The following CTNNA1 variants were observed in gnomAD, a reference collection of about 807,000 sequenced individuals.
CTNNA1 encodes catenin alpha 1, also known as catenin alpha-1.
A neutral mutation model predicts 98.4 loss-of-function variants in CTNNA1; 37 were observed. That is an observed-to-expected ratio of 0.38 (90% CI 0.29 to 0.49). The LOEUF (loss-of-function observed/expected upper bound fraction) is 0.49. CTNNA1 is among the 20% of genes least tolerant of loss of function. The pLI is 0.95. For synonymous variants in CTNNA1, 404 were observed against 413.2 expected, an observed-to-expected ratio of 0.98 and a Z score of 0.27; for missense variants, 761 against 1,147.2, an observed-to-expected ratio of 0.66 and a Z score of 4.86.
In CTNNA1 at chr5:138,847,384, C is replaced by T. The variant is rs558966164; in HGVS notation, c.1062+19666C>T. Among the ~76,000 whole-genome samples, 7 of 152,176 alleles carry T rather than the reference C, an allele frequency of 4.6e-5. No individual in the cohort carries two copies. In the East Asian group the frequency reaches 9.6e-4, roughly 21 times the overall value. ...CTGGTTACATTGTCCAAGCTGGTCT[C>T]GAACTACTGGGCTCAAGTGATCCTC... On this transcript the variant is annotated intron_variant, in intron 7 of 17. Transcript: ENST00000302763.
Position 138,758,814 on chromosome 5 carries a change from G to GT in CTNNA1, c.-3+5314dup, listed in dbSNP as rs1168348314. The stretch of plus-strand genomic sequence containing the variant: ...CTGGTCTTTCTCTGGGACAGTTTTT[G>GT]TTTTTTTTTTGAGATGGAGTTTTGC... On this transcript the variant is annotated intron_variant, in intron 1 of 17. Transcript: ENST00000302763. Among the ~76,000 whole-genome samples, 823 of 146,370 alleles carry GT rather than the reference G, an allele frequency of 5.6e-3. 8 individuals are homozygous for GT. The highest frequency in any genetic ancestry group is 0.017 in the African/African-American group (673 of 39,992).
intron 10 of CTNNA1, 114 bp downstream of exon 10, chr5:138,904,555 T>C: frequency 7.4e-7 from 1 of 1,346,812 alleles, no homozygotes; most frequent in Non-Finnish European, 1.0e-6. Context: ...GATGGAAGTC[T>C]TGGGGACAGA....
chr5:138,931,695 C>CCT, intron 16 of CTNNA1: 1 of 985,476 alleles, frequency 1.0e-6, no homozygotes, highest in Non-Finnish European at 1.2e-6. Flanking sequence ...CCTGTTCTTT[C>CCT]CTCTCTCCAC....
At chr5:138,924,966 C>T (rs1187758042) in intron 12 of CTNNA1, among the ~76,000 whole-genome samples, 1 of 152,176 alleles carries the variant, frequency 6.6e-6, no homozygotes, top group African/African-American at 2.4e-5. Context: ...AGTTAAATCT[C>T]CTATTAGTGA....
chr5:138,823,794 A>G (rs921776594), intron 5 of CTNNA1, among the ~76,000 whole-genome samples: 1 of 151,126 alleles, frequency 6.6e-6, no homozygotes, highest in African/African-American at 2.4e-5. Context: ...CGTCTCTACT[A>G]AAAATACAAA....
At chr5:138,905,111 A>ATACATACATACATAC (rs534764046) in intron 10 of CTNNA1, among the ~76,000 whole-genome samples, 5 of 139,326 alleles carry the variant, frequency 3.6e-5, no homozygotes, top group Admixed American at 7.1e-5. Context: ...AAAAAAAAAA[A>ATACATACATACATAC]ATACATACAT....
chr5:138,797,002 A>G (rs1017172271), intron 3 of CTNNA1, among the ~76,000 whole-genome samples: 1 of 152,166 alleles, frequency 6.6e-6, no homozygotes, highest in Non-Finnish European at 1.5e-5. Flanking sequence ...ACAGATACCC[A>G]TTTATTTTAC....
intron 7 of CTNNA1, among the ~76,000 whole-genome samples, chr5:138,866,719 T>G (rs538558851): frequency 2.0e-5 from 3 of 152,340 alleles, no homozygotes; most frequent in South Asian, 2.1e-4. Flanking sequence ...CTTTGGAGAT[T>G]TCTTGCTCTT....
At chr5:138,814,752 G>T (rs1376324702) in intron 5 of CTNNA1, among the ~76,000 whole-genome samples, 1 of 149,918 alleles carries the variant, frequency 6.7e-6, no homozygotes, top group African/African-American at 2.5e-5. Context: ...AAATAGATGG[G>T]TTTTTTTTTG....
chr5:138,907,855 T>C (rs1347863956), intron 10 of CTNNA1, among the ~76,000 whole-genome samples: 1 of 152,212 alleles, frequency 6.6e-6, no homozygotes, highest in East Asian at 1.9e-4. Context: ...CTGCTGTACA[T>C]AGGCAGCACT....
intron 3 of CTNNA1, among the ~76,000 whole-genome samples, chr5:138,789,183 GT>G (rs200967324): frequency 0.14 from 9,756 of 67,786 alleles, 410 homozygotes; most frequent in East Asian, 0.5. Context: ...TGTTTTTCCT[GT>G]TTTTCCCCCC....
rs149435568 is a variant in CTNNA1 at position 138,845,817 on chromosome 5, G to A, written c.1062+18099G>A. ...TAACCGAGTATGATTGCCATGTCCT[G>A]GGTACTTGATTGCCATGTCCTGGGT... On this transcript the variant is annotated intron_variant, in intron 7 of 17. Transcript: ENST00000302763. Among the ~76,000 whole-genome samples the A allele has an allele frequency of 2.0e-5, 3 of 152,036 alleles. No individual in the cohort carries two copies. In the East Asian group the frequency reaches 5.8e-4, roughly 29 times the overall value.
rs1750947854 is a variant in CTNNA1 at position 138,873,808 on chromosome 5, G to C, written c.1063-12404G>C. The C allele has an allele frequency of 6.2e-7, 1 of 1,613,872 alleles. No homozygotes were observed. The highest frequency in any genetic ancestry group is 1.3e-5 in the African/African-American group (1 of 74,920). On this transcript the variant is annotated intron_variant, in intron 7 of 17. Coordinates refer to ENST00000302763, the MANE Select transcript of CTNNA1 (RefSeq NM_001903.5). The surrounding 1 kb of genome is among the most constrained non-coding windows in gnomAD (Gnocchi z 6.1). The stretch of plus-strand genomic sequence containing the variant: ...GGTCTAGCTTTTCTAAAGTGCCCCA[G>C]GTCCACTCCATCCCACATGTCAAGT...
intron 9 of CTNNA1, among the ~76,000 whole-genome samples, chr5:138,888,280 G>C (rs1754532811): frequency 6.6e-6 from 1 of 152,172 alleles, no homozygotes; most frequent in South Asian, 2.1e-4. Flanking sequence ...TCGCAGGTAA[G>C]TTAGGCTTAC....
chr5:138,918,270 A>T (rs1306631594), intron 11 of CTNNA1, among the ~76,000 whole-genome samples: 1 of 151,952 alleles, frequency 6.6e-6, no homozygotes, highest in Non-Finnish European at 1.5e-5. Context: ...TTTAGAAAAA[A>T]CATTGATCTG....
chr5:138,767,798 T>A (rs1384912223), intron 1 of CTNNA1, among the ~76,000 whole-genome samples: 1 of 152,206 alleles, frequency 6.6e-6, no homozygotes, highest in East Asian at 1.9e-4. Flanking sequence ...TAGCATGTTA[T>A]TCTGAAGAAT....
chr5:138,803,671 A>G (rs1374639233), intron 3 of CTNNA1, among the ~76,000 whole-genome samples: 4 of 152,134 alleles, frequency 2.6e-5, no homozygotes. Flanking sequence ...TATTCCTGTG[A>G]TTCCTTTGTC....
At chr5:138,826,964 G>A (rs1166815413) in intron 6 of CTNNA1, among the ~76,000 whole-genome samples, 2 of 152,194 alleles carry the variant, frequency 1.3e-5, no homozygotes, top group African/African-American at 2.4e-5. Context: ...TTATTTTTTT[G>A]TAGAGACAGG....
At chr5:138,793,857 G>A (rs1309917580) in intron 3 of CTNNA1, among the ~76,000 whole-genome samples, 1 of 151,980 alleles carries the variant, frequency 6.6e-6, no homozygotes, top group Non-Finnish European at 1.5e-5. Flanking sequence ...AATCCATTCT[G>A]TCTGTCAACT....
Sources: allele counts gnomAD v4.1 joint callset (sites outside exome capture counted in the v4.1 genomes callset), GRCh38; gene constraint gnomAD v4.1.1; non-coding constraint Gnocchi (gnomAD v3.1); transcripts MANE v1.5; gene names NCBI Gene and HGNC (gene_info 2026-07-23, HGNC 2026-07-21).